The following ARHGAP45 variants were observed in gnomAD, a reference collection of about 807,000 sequenced individuals.
ARHGAP45 encodes the protein Rho GTPase activating protein 45, also known as rho GTPase-activating protein 45.
ARHGAP45 carries 56 observed loss-of-function variants against 116.1 expected under a neutral mutation model. The ratio of observed to expected loss-of-function variants is 0.48; its 90% CI spans 0.39 to 0.60. The LOEUF (loss-of-function observed/expected upper bound fraction) is 0.60. Among genes scored for constraint, ARHGAP45 ranks in the 20% least tolerant of loss-of-function variants. The pLI is 0.00. For missense variants in ARHGAP45, 1,622 were observed against 1,601.0 expected (o/e 1.01, Z -0.22); for synonymous variants, 866 against 701.7 (o/e 1.23, Z -3.70).
chr19:1,086,046 C>A lies in ARHGAP45; in HGVS notation c.*40C>A. 6.6e-7 allele frequency: 1 copy of A among 1,526,152 alleles called. No individual in the cohort carries two copies. The highest frequency in any genetic ancestry group is 9.0e-7 in the Non-Finnish European group (1 of 1,110,052). 94.5% of individuals were successfully genotyped at this position (1,526,152 alleles called of 1,614,324 possible). A position where few individuals can be genotyped will look rare whatever the true frequency, so the allele number is the denominator to read the frequency against. On this transcript the variant is annotated 3_prime_UTR_variant, in exon 23 of 23. Coordinates refer to ENST00000313093, the MANE Select transcript of ARHGAP45 (RefSeq NM_012292.5). Reference sequence around the variant, plus strand: ...GGGACCACAGGTGGCTTCTCTCTTGCCTGCTCCTGTCCCTCCAGCACGTCC... The same window carrying A: ...GGGACCACAGGTGGCTTCTCTCTTGACTGCTCCTGTCCCTCCAGCACGTCC...
chr19:1,075,596 C>T (rs540707329), intron 10 of ARHGAP45, among the ~76,000 whole-genome samples: 9 of 151,864 alleles, frequency 5.9e-5, no homozygotes, highest in South Asian at 2.1e-4. Flanking sequence ...ATTTCAAAGA[C>T]GCCGGCGCCT....
In ARHGAP45 at chr19:1,074,872, G is replaced by A. The variant is rs1310745102; in HGVS notation, c.1178G>A (p.Arg393Lys). 5.3e-6 allele frequency: 7 copies of A among 1,327,118 alleles called. No individual in the cohort carries two copies. Among genetic ancestry groups the A allele is most frequent in the Admixed American group, 4.4e-5 (2 of 44,944 alleles). The allele number at this position is 1,327,118 out of a possible 1,614,324, so 82.2% of individuals were successfully genotyped here. A position where few individuals can be genotyped will look rare whatever the true frequency, so the allele number is the denominator to read the frequency against. Residue 393 changes from arginine to lysine, a missense_variant, in exon 10 of 23, where the codon AGG (arginine) becomes AAG (lysine). This residue lies in a region of ARHGAP45 where 1,334 missense variants were observed against 1,263.8 expected (regional missense o/e 1.06). Transcript: ENST00000313093. ...EIKEAWHRAQ[R>K]KLQEAESNLR... ...AAGGAGGCCTGGCACCGTGCCCAGA[G>A]GAAGCTGGTGAGGCGGGCGGGCGGG...
chr19:1,083,463 T>C (rs954557279), intron 21 of ARHGAP45, 110 bp downstream of exon 21: 2 of 1,050,182 alleles, frequency 1.9e-6, no homozygotes, highest in African/African-American at 1.6e-5. Context: ...GGGAGATAAT[T>C]TGGTTTGGAC....
intron 22 of ARHGAP45, among the ~76,000 whole-genome samples, chr19:1,085,302 C>T (rs998800907): frequency 5.9e-5 from 9 of 152,172 alleles, no homozygotes; most frequent in Admixed American, 5.9e-4. Flanking sequence ...TGAGAACAGC[C>T]CAGGAAAGAC....
intron 11 of ARHGAP45, 102 bp downstream of exon 11, chr19:1,078,147 T>TG: frequency 4.8e-6 from 7 of 1,449,056 alleles, no homozygotes; most frequent in Middle Eastern, 2.5e-4. Context: ...TTTTTTTGTT[T>TG]TTTTGTTTGT....
At position 1,080,482 on chromosome 19, in the gene ARHGAP45, T is replaced by G; in HGVS notation, c.1847T>G (p.Val616Gly). The stretch of plus-strand genomic sequence containing the variant: ...TCTCCAGCCGGGCGAGGACACCAGG[T>G]TCACAAGTCATGGCCGCTCTCGATC... The part of the protein sequence containing the change: ...KDHRAGRGHQ[V>G]HKSWPLSISD... Residue 616 changes from valine (V) to glycine (G), a missense_variant, in exon 15 of 23, where the codon GTT becomes GGT. Coordinates refer to ENST00000313093, the MANE Select transcript of ARHGAP45 (RefSeq NM_012292.5). 6.2e-7 allele frequency: 1 copy of G among 1,612,784 alleles called. No individual in the cohort carries two copies. The highest frequency in any genetic ancestry group is 1.1e-5 in the South Asian group (1 of 91,068).
chr19:1,081,513 C>G, intron 17 of ARHGAP45, 37 bp from the exon 18 acceptor site: 1 of 1,442,486 alleles, frequency 6.9e-7, no homozygotes, highest in Non-Finnish European at 9.1e-7. Flanking sequence ...GAGCTGGGCG[C>G]CCCGGGGCTG....
rs2043409191 is a variant in ARHGAP45, at chr19:1,080,746, G to A, written c.1977G>A (p.Val659=). The change falls in exon 16 of 23, where the codon GTG becomes GTA. Residue 659 remains valine (V), a synonymous_variant. Coordinates refer to ENST00000313093, the MANE Select transcript of ARHGAP45 (RefSeq NM_012292.5). The stretch of plus-strand genomic sequence containing the variant: ...CCATGTCGTCCACGGAGGAGCTGGT[G>A]GACCCAGACGGTGGAGCCGGGGCTT... ...SGTMSSTEEL[V]DPDGGAGASA... The A allele has an allele frequency of 6.2e-7, 1 of 1,613,454 alleles. No individual in the cohort carries two copies. The highest frequency in any genetic ancestry group is 8.5e-7 in the Non-Finnish European group (1 of 1,179,988).
chr19:1,071,182 G>A lies in ARHGAP45; in HGVS notation c.422-1967G>A. 7.4e-7 allele frequency: 1 copy of A among 1,351,752 alleles called. No homozygotes were observed. Among genetic ancestry groups the A allele is most frequent in the Non-Finnish European group, 9.5e-7 (1 of 1,053,990 alleles). 83.7% of individuals were successfully genotyped at this position (1,351,752 alleles called of 1,614,324 possible). On this transcript the variant is annotated intron_variant, in intron 2 of 22. Coordinates refer to ENST00000313093, the MANE Select transcript of ARHGAP45 (RefSeq NM_012292.5). This position sits in a 1 kb window ranked among gnomAD's most constrained non-coding sequence, Gnocchi z 4.6. The stretch of plus-strand genomic sequence containing the variant: ...CCCCAGGGCGGGGTTTCCCTCGCGG[G>A]GGCGGGGCCTCCTGACCGGCCGGAG...
chr19:1,079,948 G>C lies in ARHGAP45; in HGVS notation c.1533G>C (p.Gln511His). The change falls in exon 13 of 23, where the codon CAG (glutamine) becomes CAC (histidine). Residue 511 changes from glutamine (Q) to histidine (H), a missense_variant. Physicochemically the swap from Gln to His is conservative, Grantham distance 24. Around this residue, in one of 3 missense-constraint regions of ARHGAP45, gnomAD observed 1,334 missense variants for 1,263.8 expected, o/e 1.06. Transcript: ENST00000313093. ...CGCAGGCCACGATCTCCTACTACCA[G>C]ATGATGCATATGCAGACGGCGCCGC... Reference protein sequence around the residue: ...TIKSATISYYQMMHMQTAPLP... With the variant: ...TIKSATISYYHMMHMQTAPLP... The C allele has an allele frequency of 6.2e-7, 1 of 1,611,660 alleles. No homozygotes were observed. The highest frequency in any genetic ancestry group is 8.5e-7 in the Non-Finnish European group (1 of 1,178,944).
chr19:1,070,056 C>T (rs920892428), intron 2 of ARHGAP45, among the ~76,000 whole-genome samples: 28 of 151,970 alleles, frequency 1.8e-4, no homozygotes, highest in Admixed American at 6.6e-4. Flanking sequence ...AGTGCAGTGG[C>T]GCGATCTCGG....
chr19:1,078,561 A>G (rs978963727), intron 11 of ARHGAP45, among the ~76,000 whole-genome samples: 4 of 150,216 alleles, frequency 2.7e-5, no homozygotes, highest in African/African-American at 9.9e-5. Flanking sequence ...CCACCCTGCC[A>G]CCAAGCCCAG....
intron 2 of ARHGAP45, among the ~76,000 whole-genome samples, chr19:1,070,078 C>A (rs1355055952): frequency 6.6e-6 from 1 of 151,862 alleles, no homozygotes; most frequent in African/African-American, 2.4e-5. Context: ...TCATTGCAAC[C>A]TTCCTCTCTC....
At position 1,083,064 on chromosome 19, in the gene ARHGAP45, C is replaced by T. The variant is rs763099489; in HGVS notation, c.2742C>T (p.Arg914=). 32 of 1,550,772 alleles carry T rather than the reference C, an allele frequency of 2.1e-5. No homozygotes were observed. In the Admixed American group the frequency reaches 4.7e-4, roughly 23 times the overall value. ...ASLQYLLRHL[R]RIVEVEQDNK... is the part of the protein sequence containing the mutation. The stretch of plus-strand genomic sequence containing the variant: ...TGCAGTACCTGCTGCGTCACCTACG[C>T]AGGTGAGTCCCGGCATATGGAGTGG... Residue 914 remains arginine, a splice_region_variant and synonymous_variant, in exon 20 of 23, where the codon CGC becomes CGT. Transcript: ENST00000313093.
At chr19:1,083,632 C>T (rs2043512970) in intron 21 of ARHGAP45, among the ~76,000 whole-genome samples, 1 of 152,226 alleles carries the variant, frequency 6.6e-6, no homozygotes, top group African/African-American at 2.4e-5. Context: ...AGCTTCCTTC[C>T]CCGTTTCCCA....
rs770885669 is a variant in ARHGAP45 at position 1,074,605 on chromosome 19, C to T, written c.994-9C>T. On this transcript the variant is annotated splice_polypyrimidine_tract_variant and intron_variant, in intron 8 of 22. Coordinates refer to ENST00000313093, the MANE Select transcript of ARHGAP45 (RefSeq NM_012292.5). ...CTCCCCACCCAGTGAGCCGGTGCCC[C>T]ACCCACAGCCCCACATGCCGCTCCT... The T allele has an allele frequency of 1.3e-6, 2 of 1,555,174 alleles. No homozygotes were observed. Among genetic ancestry groups the T allele is most frequent in the South Asian group, 2.4e-5 (2 of 83,352 alleles).
chr19:1,073,610 G>A lies in ARHGAP45; in HGVS notation c.650+20G>A. The A allele has an allele frequency of 1.9e-6, 3 of 1,613,502 alleles. No individual in the cohort carries two copies. The highest frequency in any genetic ancestry group is 2.5e-6 in the Non-Finnish European group (3 of 1,179,734). On this transcript the variant is annotated intron_variant, in intron 4 of 22. Transcript: ENST00000313093. ...TAGCACGTGAGCACGGGAGCCTGTGGGGCAGGGCAAGGGAGCGTGGGGGGC... is the reference window on the plus strand; with the variant it reads ...TAGCACGTGAGCACGGGAGCCTGTGAGGCAGGGCAAGGGAGCGTGGGGGGC...
chr19:1,079,503 C>CAAAA lies in ARHGAP45; in HGVS notation c.1375-186_1375-183dup, dbSNP rs35895776. ...TGGCCTACAGAGCAAGACTCCATCT[C>CAAAA]AAAAAAAAAAAAAAAAAGATGGGGA... On this transcript the variant is annotated intron_variant, in intron 11 of 22. Transcript: ENST00000313093. Among the ~76,000 whole-genome samples the CAAAA allele has an allele frequency of 4.5e-5, 5 of 112,244 alleles. No individual in the cohort carries two copies. The South Asian group carries it at 1.3e-3, about 29-fold the overall frequency. The allele number at this position is 112,244 out of a possible 152,430, so 73.6% of individuals were successfully genotyped here. A position where few individuals can be genotyped will look rare whatever the true frequency, so the allele number is the denominator to read the frequency against.
chr19:1,083,721 G>A (rs1208849885), intron 21 of ARHGAP45, among the ~76,000 whole-genome samples: 1 of 152,064 alleles, frequency 6.6e-6, no homozygotes, highest in Non-Finnish European at 1.5e-5. Context: ...GCACTCCGCC[G>A]CGAGGTCAAT....
Sources: allele counts gnomAD v4.1 joint callset (sites outside exome capture counted in the v4.1 genomes callset), GRCh38; gene constraint gnomAD v4.1.1; regional missense constraint gnomAD v4.1.1; non-coding constraint Gnocchi (gnomAD v3.1); transcripts MANE v1.5; gene names NCBI Gene and HGNC (gene_info 2026-07-23, HGNC 2026-07-21).